The following SYNPO2 variants were observed in gnomAD, a reference collection of about 807,000 sequenced individuals.
SYNPO2 encodes the protein synaptopodin-2.
A neutral mutation model predicts 85.0 loss-of-function variants in SYNPO2; 56 were observed. The observed-to-expected ratio is 0.66, with a 90% CI of 0.53 to 0.82. The LOEUF (loss-of-function observed/expected upper bound fraction) is 0.82, where lower values mean the gene tolerates loss of function less well. SYNPO2 is among the 40% of genes least tolerant of loss of function. The pLI, the probability that SYNPO2 is intolerant of heterozygous loss-of-function variation, is 0.00. For missense variants in SYNPO2, 1,575 were observed against 1,534.2 expected (o/e 1.03, Z -0.44); for synonymous variants, 602 against 591.1 (o/e 1.02, Z -0.27).
chr4:118,885,359 C>T (rs1732179668), upstream of SYNPO2, among the ~76,000 whole-genome samples: 2 of 151,866 alleles, frequency 1.3e-5, no homozygotes, highest in African/African-American at 4.8e-5. Context: ...GGAATAGAGA[C>T]AACAGTTAGG....
chr4:118,951,677 A>G (rs2149142800), intron 1 of SYNPO2, among the ~76,000 whole-genome samples: 1 of 152,302 alleles, frequency 6.6e-6, no homozygotes, highest in Middle Eastern at 3.4e-3. Context: ...AATATAGGCC[A>G]TGGCTGAAAA....
At chr4:118,859,869 C>G (rs1021946481) in intron 1 of SYNPO2, among the ~76,000 whole-genome samples, 11 of 152,198 alleles carry the variant, frequency 7.2e-5, no homozygotes, top group African/African-American at 2.4e-4. Context: ...AATAGTGCTG[C>G]AATAAACATG....
At chr4:119,000,210 T>G (rs1736774708) in intron 1 of SYNPO2, among the ~76,000 whole-genome samples, 1 of 152,092 alleles carries the variant, frequency 6.6e-6, no homozygotes, top group Non-Finnish European at 1.5e-5. Flanking sequence ...CTTAATGAGG[T>G]AATAAAAAGC....
intron 1 of SYNPO2, among the ~76,000 whole-genome samples, chr4:118,991,685 A>C (rs147851068): frequency 6.6e-6 from 1 of 152,120 alleles, no homozygotes; most frequent in East Asian, 1.9e-4. Context: ...GAGATGCCTG[A>C]ATGGTGCTTG....
rs74575090 is a variant in SYNPO2 at position 118,911,824 on chromosome 4, C to A, written c.105+22683C>A. On this transcript the variant is annotated intron_variant, in intron 1 of 4. Transcript: ENST00000307142. ...CCCATTTTCATTCAGCAACTCCCCC[C>A]CTCCAATCCCACAATAGAGCTAAAT... 4.9e-3 allele frequency among the ~76,000 whole-genome samples: 751 copies of A among 152,250 alleles called. 3 individuals carry two copies. Among genetic ancestry groups the A allele is most frequent in the African/African-American group, 0.017 (720 of 41,536 alleles).
chr4:118,873,577 G>A (rs776047959), intron 1 of SYNPO2, among the ~76,000 whole-genome samples: 10 of 151,930 alleles, frequency 6.6e-5, no homozygotes, highest in Admixed American at 2.6e-4. Context: ...TTTGAGTTGT[G>A]TTCCTTATAG....
At chr4:119,047,049 CTATT>C (rs1172859636) in intron 4 of SYNPO2, among the ~76,000 whole-genome samples, 2 of 148,974 alleles carry the variant, frequency 1.3e-5, no homozygotes, top group East Asian at 2.0e-4. Context: ...ATTCATGAAA[CTATT>C]TATTTTGTTT....
chr4:119,032,108 G>A, intron 4 of SYNPO2, 81 bp downstream of exon 4: 1 of 1,550,612 alleles, frequency 6.4e-7, no homozygotes, highest in South Asian at 1.2e-5. Context: ...ATTGTTTGCA[G>A]TGTTTCTTGA....
At chr4:118,946,338 C>T (rs566395530) in intron 1 of SYNPO2, among the ~76,000 whole-genome samples, 9 of 152,250 alleles carry the variant, frequency 5.9e-5, no homozygotes, top group African/African-American at 9.6e-5. Flanking sequence ...GGAAGGCATC[C>T]GTTAAAAGCA....
At chr4:118,930,616 A>C (rs1733892874) in intron 1 of SYNPO2, among the ~76,000 whole-genome samples, 1 of 152,022 alleles carries the variant, frequency 6.6e-6, no homozygotes, top group African/African-American at 2.4e-5. Context: ...TGCCTCCATT[A>C]GATTACAAAT....
chr4:118,935,768 T>C (rs1005399753), intron 1 of SYNPO2, among the ~76,000 whole-genome samples: 1 of 152,254 alleles, frequency 6.6e-6, no homozygotes, highest in Non-Finnish European at 1.5e-5. Context: ...TCTTGTACAC[T>C]ATATACATTA....
chr4:118,990,701 C>T (rs963123799), intron 1 of SYNPO2, among the ~76,000 whole-genome samples: 42 of 152,118 alleles, frequency 2.8e-4, no homozygotes, highest in Non-Finnish European at 5.1e-4. Flanking sequence ...CTCTGCCTCC[C>T]GGGTTCAAGC....
chr4:118,931,314 G>A (rs1270327401), intron 1 of SYNPO2, among the ~76,000 whole-genome samples: 2 of 152,092 alleles, frequency 1.3e-5, no homozygotes, highest in African/African-American at 4.8e-5. Flanking sequence ...CTAGGTCTCT[G>A]ACTATTAGTT....
chr4:118,985,349 T>C (rs1228540553), intron 1 of SYNPO2, among the ~76,000 whole-genome samples: 1 of 152,178 alleles, frequency 6.6e-6, no homozygotes, highest in Non-Finnish European at 1.5e-5. Context: ...TTGCCGTCTG[T>C]CTCTCCTTTC....
rs9917969 is a variant in SYNPO2 at position 118,874,670 on chromosome 4, A to G, written c.12+23730A>G. 1.5e-3 allele frequency among the ~76,000 whole-genome samples: 226 copies of G among 152,284 alleles called. 1 individual carries two copies. The highest frequency in any genetic ancestry group is 4.9e-3 in the African/African-American group (202 of 41,574). ...GAGGCTTTGTGGGGTCTAAACTGTT[A>G]CAATTCAATGGTGGTGTGGAGGGCT... On this transcript the variant is annotated intron_variant, in intron 1 of 4. Transcript: ENST00000610556.
At chr4:118,967,173 A>C (rs555181673) in intron 1 of SYNPO2, among the ~76,000 whole-genome samples, 11 of 152,316 alleles carry the variant, frequency 7.2e-5, no homozygotes, top group African/African-American at 2.2e-4. Flanking sequence ...CTACTGAGTT[A>C]ATTTCAAGCC....
At chr4:118,986,874 A>C (rs1261660478) in intron 1 of SYNPO2, among the ~76,000 whole-genome samples, 1 of 152,182 alleles carries the variant, frequency 6.6e-6, no homozygotes, top group African/African-American at 2.4e-5. Context: ...TCAGTGTGCT[A>C]TTGATATGGC....
Position 118,956,941 on chromosome 4 carries a change from AG to A in SYNPO2, c.106-66487del, listed in dbSNP as rs751508686. 2.7e-3 allele frequency among the ~76,000 whole-genome samples: 406 copies of A among 152,212 alleles called. 3 individuals carry two copies. The highest frequency in any genetic ancestry group is 4.6e-3 in the Non-Finnish European group (315 of 68,000). The stretch of plus-strand genomic sequence containing the variant: ...GTGCCTATAATCCCAGCTACTTGGG[AG>A]GCTGAGGCAGGAGAATCACTTGAAC... On this transcript the variant is annotated intron_variant, in intron 1 of 4. Coordinates refer to ENST00000307142, the MANE Select transcript of SYNPO2 (RefSeq NM_133477.3).
intron 1 of SYNPO2, among the ~76,000 whole-genome samples, chr4:118,907,551 G>A (rs1490138982): frequency 6.6e-6 from 1 of 152,134 alleles, no homozygotes; most frequent in African/African-American, 2.4e-5. Context: ...AGAAAAAGGA[G>A]TCATTGGTAT....
Sources: gnomAD v4.1 joint callset for allele counts (sites outside exome capture counted in the v4.1 genomes callset) on GRCh38, gnomAD v4.1.1 for gene constraint, MANE v1.5 for transcripts, NCBI Gene and HGNC (gene_info 2026-07-23, HGNC 2026-07-21) for gene names.